The following GLIS3 variants were observed in gnomAD, a reference collection of about 807,000 sequenced individuals.
GLIS3 encodes GLIS family zinc finger 3.
In GLIS3, 53 loss-of-function variants were observed where a neutral mutation model predicts 78.6. The observed-to-expected ratio is 0.67, with a 90% CI of 0.54 to 0.85. The LOEUF (loss-of-function observed/expected upper bound fraction) is 0.85. GLIS3 is among the 40% of genes least tolerant of loss of function. GLIS3 has a pLI of 0.00. For missense variants in GLIS3, 1,703 were observed against 1,231.1 expected, an observed-to-expected ratio of 1.38 and a Z score of -5.74; for synonymous variants, 684 against 509.9, an observed-to-expected ratio of 1.34 and a Z score of -4.60.
intron 4 of GLIS3, among the ~76,000 whole-genome samples, chr9:4,049,321 T>G (rs935143103): frequency 9.2e-5 from 14 of 152,196 alleles, no homozygotes; most frequent in Non-Finnish European, 2.1e-4. Flanking sequence ...CCATCTGGAC[T>G]ACTTCTGCAG....
chr9:4,192,807 T>TA (rs1818445299), intron 2 of GLIS3, among the ~76,000 whole-genome samples: 7 of 76,082 alleles, frequency 9.2e-5, no homozygotes, highest in Admixed American at 3.0e-4. Flanking sequence ...AATACAATAT[T>TA]TAAAAAAAAA....
rs756799831 is a variant in GLIS3 at position 3,828,352 on chromosome 9, C to T, written c.2713G>A (p.Ala905Thr). Residue 905 changes from alanine to threonine, a missense_variant, in exon 11 of 11, where the codon GCT becomes ACT. Transcript: ENST00000381971. ...ATCTGCAAGAAGGTAGCATCTTCAG[C>T]CCCGCTGCGGAGAGACTCCCCAAAG... ...SLFGESLRSG[A>T]EDATFLQIST... is the part of the protein sequence containing the mutation. 3.1e-6 allele frequency: 5 copies of T among 1,613,920 alleles called. No homozygotes were observed. The highest frequency in any genetic ancestry group is 4.2e-6 in the Non-Finnish European group (5 of 1,180,022).
chr9:4,249,937 G>A (rs1824193391), intron 2 of GLIS3, among the ~76,000 whole-genome samples: 1 of 152,200 alleles, frequency 6.6e-6, no homozygotes, highest in Non-Finnish European at 1.5e-5. Context: ...ATTTGCATAT[G>A]TTGAACCAGC....
the GLIS3 span, among the ~76,000 whole-genome samples, chr9:4,409,975 G>C: frequency 6.6e-6 from 1 of 152,052 alleles, no homozygotes; most frequent in Non-Finnish European, 1.5e-5. Flanking sequence ...TGGGAGGTCT[G>C]TATGGGTTTC....
At chr9:4,342,385 T>A (rs1003392571) in intron 2 of GLIS3, among the ~76,000 whole-genome samples, 1 of 152,198 alleles carries the variant, frequency 6.6e-6, no homozygotes, top group Non-Finnish European at 1.5e-5. Flanking sequence ...TTGTTGATTT[T>A]GTCAAAGGTT....
At chr9:4,246,523 A>G (rs945252226) in intron 2 of GLIS3, among the ~76,000 whole-genome samples, 4 of 152,178 alleles carry the variant, frequency 2.6e-5, no homozygotes, top group African/African-American at 9.7e-5. Context: ...TTGTTTCAGG[A>G]TGTCTAATGT....
chr9:4,339,146 G>C (rs899932832), intron 2 of GLIS3, among the ~76,000 whole-genome samples: 4 of 152,300 alleles, frequency 2.6e-5, no homozygotes, highest in Admixed American at 2.0e-4. Flanking sequence ...TGATTTAGTG[G>C]CTTGGCTTAT....
chr9:3,893,832 CTG>C (rs1285500577), intron 7 of GLIS3, among the ~76,000 whole-genome samples: 1 of 152,172 alleles, frequency 6.6e-6, no homozygotes, highest in Non-Finnish European at 1.5e-5. Flanking sequence ...GCCCAGCAAA[CTG>C]TATTTTCACA....
At chr9:3,959,797 C>T (rs1054946554) in intron 4 of GLIS3, among the ~76,000 whole-genome samples, 4 of 152,138 alleles carry the variant, frequency 2.6e-5, no homozygotes, top group Non-Finnish European at 4.4e-5. Context: ...CAGAGGTAAC[C>T]AAATTAAAAT....
chr9:4,131,855 G>A lies in GLIS3; in HGVS notation c.389-5914C>T, dbSNP rs1403154764. Among the ~76,000 whole-genome samples the A allele has an allele frequency of 2.0e-5, 3 of 152,022 alleles. No homozygotes were observed. In the East Asian group the frequency reaches 5.8e-4, roughly 29 times the overall value. The stretch of plus-strand genomic sequence containing the variant: ...ATCAAGCACGCAGTAGGTACTTAAT[G>A]GATGTTAACTGCTACTGTTGTTATT... On this transcript the variant is annotated intron_variant, in intron 2 of 10. Transcript: ENST00000381971.
At chr9:4,125,517 A>T (rs995705449) in intron 3 of GLIS3, among the ~76,000 whole-genome samples, 1 of 152,212 alleles carries the variant, frequency 6.6e-6, no homozygotes, top group African/African-American at 2.4e-5. Flanking sequence ...ACCACAAGAC[A>T]GTAGGTATTA....
the GLIS3 span, among the ~76,000 whole-genome samples, chr9:4,381,193 T>G: frequency 6.6e-6 from 1 of 152,050 alleles, no homozygotes; most frequent in Non-Finnish European, 1.5e-5. Context: ...TCATGGAAAA[T>G]TTGGTGGTGG....
the GLIS3 span, among the ~76,000 whole-genome samples, chr9:4,399,649 G>A: frequency 2.0e-5 from 3 of 152,162 alleles, no homozygotes; most frequent in Admixed American, 1.3e-4. Flanking sequence ...ATATATCAAA[G>A]AGTTATTTTT....
chr9:4,016,910 C>G (rs1822489888), intron 4 of GLIS3, among the ~76,000 whole-genome samples: 1 of 152,168 alleles, frequency 6.6e-6, no homozygotes, highest in East Asian at 1.9e-4. Context: ...CTGCTGAGGT[C>G]TCACTCTTGG....
At chr9:4,038,215 C>T (rs1824495843) in intron 4 of GLIS3, among the ~76,000 whole-genome samples, 1 of 152,124 alleles carries the variant, frequency 6.6e-6, no homozygotes, top group East Asian at 1.9e-4. Flanking sequence ...AGCAGCCAGC[C>T]ATATTCCAGT....
In GLIS3 at chr9:4,139,515, G is replaced by A. The variant is rs149798614; in HGVS notation, c.389-13574C>T. On this transcript the variant is annotated intron_variant, in intron 2 of 10. Transcript: ENST00000381971. The stretch of plus-strand genomic sequence containing the variant: ...TACTCAACAGACAGAAATATTACTC[G>A]TTCGCCCCCTCTGTCCATATTCCCT... Among the ~76,000 whole-genome samples the A allele has an allele frequency of 3.9e-4, 59 of 152,178 alleles. 1 individual carries two copies. In the East Asian group the frequency reaches 9.5e-3, roughly 24 times the overall value.
At chr9:4,159,580 A>G (rs529976802) in intron 2 of GLIS3, among the ~76,000 whole-genome samples, 9 of 152,236 alleles carry the variant, frequency 5.9e-5, no homozygotes, top group Admixed American at 1.3e-4. Flanking sequence ...TTAACTGGGC[A>G]TGGTGGCACA....
chr9:3,995,880 G>A (rs1388352792), intron 4 of GLIS3, among the ~76,000 whole-genome samples: 1 of 152,046 alleles, frequency 6.6e-6, no homozygotes, highest in East Asian at 1.9e-4. Context: ...AGTGATGGAG[G>A]AATGGCAACA....
At chr9:4,453,823 G>T in the GLIS3 span, among the ~76,000 whole-genome samples, 1 of 151,358 alleles carries the variant, frequency 6.6e-6, no homozygotes, top group African/African-American at 2.4e-5. Flanking sequence ...ACAGGGTGGG[G>T]AACATCACAC....
Sources: allele counts gnomAD v4.1 joint callset (sites outside exome capture counted in the v4.1 genomes callset), GRCh38; gene constraint gnomAD v4.1.1; transcripts MANE v1.5; gene names NCBI Gene and HGNC (gene_info 2026-07-23, HGNC 2026-07-21).